MARCHF4: variants seen among roughly 807,000 people sequenced by gnomAD.
The protein encoded by MARCHF4 is E3 ubiquitin-protein ligase MARCHF4.
MARCHF4 carries 14 observed loss-of-function variants against 43.9 expected under a neutral mutation model. The ratio of observed to expected loss-of-function variants is 0.32; its 90% CI spans 0.21 to 0.50. The LOEUF (loss-of-function observed/expected upper bound fraction) is 0.50. Among genes scored for constraint, MARCHF4 ranks in the 20% least tolerant of loss-of-function variants. The pLI, the probability that MARCHF4 is intolerant of heterozygous loss-of-function variation, is 0.98. For synonymous variants in MARCHF4, 226 were observed against 213.3 expected (o/e 1.06, Z -0.52); for missense variants, 468 against 536.7 (o/e 0.87, Z 1.27).
intron 1 of MARCHF4, among the ~76,000 whole-genome samples, chr2:216,347,845 T>C (rs1216888075): frequency 2.6e-5 from 4 of 151,360 alleles, no homozygotes; most frequent in Non-Finnish European, 4.4e-5. Flanking sequence ...TTTTTTAACT[T>C]TTTATTTTGA....
chr2:216,363,971 T>G (rs1692627722), intron 1 of MARCHF4, among the ~76,000 whole-genome samples: 1 of 152,192 alleles, frequency 6.6e-6, no homozygotes, highest in Non-Finnish European at 1.5e-5. Flanking sequence ...CAAAGTGACC[T>G]TATTTATGAA....
chr2:216,316,371 T>C lies in MARCHF4; in HGVS notation c.517-32642A>G, dbSNP rs543778696. On this transcript the variant is annotated intron_variant, in intron 1 of 3. Transcript: ENST00000273067. ...CCCTTTCTAAAACGGAGGCCCTATC[T>C]TCCTCCTAGTCCCTCTTGAACATGT... 2.0e-5 allele frequency among the ~76,000 whole-genome samples: 3 copies of C among 152,246 alleles called. No homozygotes were observed. In the East Asian group the frequency reaches 5.8e-4, roughly 29 times the overall value.
intron 1 of MARCHF4, among the ~76,000 whole-genome samples, chr2:216,361,596 A>G (rs1386477058): frequency 6.6e-6 from 1 of 152,132 alleles, no homozygotes; most frequent in East Asian, 1.9e-4. Flanking sequence ...GATGATGGAG[A>G]TGGATAAAGA....
intron 1 of MARCHF4, among the ~76,000 whole-genome samples, chr2:216,341,237 C>T (rs1006577038): frequency 3.3e-5 from 5 of 152,184 alleles, no homozygotes; most frequent in Non-Finnish European, 5.9e-5. Flanking sequence ...TGTTTGTTTC[C>T]ATTGTCTGAG....
rs1185457753 is a variant in MARCHF4 at position 216,258,371 on chromosome 2, G to A, written c.*941C>T. 1.3e-5 allele frequency: 2 copies of A among 152,552 alleles called. No homozygotes were observed. Among genetic ancestry groups the A allele is most frequent in the Non-Finnish European group, 2.9e-5 (2 of 68,172 alleles). 9.4% of individuals were successfully genotyped at this position (152,552 alleles called of 1,614,324 possible). A position where few individuals can be genotyped will look rare whatever the true frequency, so the allele number is the denominator to read the frequency against. On this transcript the variant is annotated 3_prime_UTR_variant, in exon 4 of 4. Transcript: ENST00000273067. ...CATGTGCCAAGACAAGAAGGGGCTGGCATTGCACATGTCCTGGCCATGGTG... is the reference window on the plus strand; with the variant it reads ...CATGTGCCAAGACAAGAAGGGGCTGACATTGCACATGTCCTGGCCATGGTG...
Position 216,278,874 on chromosome 2 carries a change from A to T in MARCHF4, c.673-1010T>A, listed in dbSNP as rs111369026. ...CTATGATTCTATGGCTGATCCGGGCAGTACAGGTCTGAAGGAGCCAGGAGT... is the reference window on the plus strand; with the variant it reads ...CTATGATTCTATGGCTGATCCGGGCTGTACAGGTCTGAAGGAGCCAGGAGT... On this transcript the variant is annotated intron_variant, in intron 2 of 3. Transcript: ENST00000273067. Among the ~76,000 whole-genome samples, 1,041 of 152,332 alleles carry T rather than the reference A, an allele frequency of 6.8e-3. 9 individuals are homozygous for T. Among genetic ancestry groups the T allele is most frequent in the African/African-American group, 0.024 (982 of 41,572 alleles).
At chr2:216,271,319 C>T (rs1349564754) in intron 3 of MARCHF4, among the ~76,000 whole-genome samples, 4 of 152,214 alleles carry the variant, frequency 2.6e-5, no homozygotes, top group Admixed American at 6.5e-5. Flanking sequence ...GCCTGAAATA[C>T]TCTTTCCCCC....
intron 1 of MARCHF4, among the ~76,000 whole-genome samples, chr2:216,326,948 A>G (rs1388883132): frequency 6.6e-6 from 1 of 152,090 alleles, no homozygotes; most frequent in Non-Finnish European, 1.5e-5. Context: ...GCACCCTAAA[A>G]CTTAAAGTAT....
chr2:216,291,416 T>C (rs905415653), intron 1 of MARCHF4, among the ~76,000 whole-genome samples: 1 of 152,152 alleles, frequency 6.6e-6, no homozygotes, highest in Non-Finnish European at 1.5e-5. Context: ...GTCTGAGGAC[T>C]GGTATAAAAT....
At chr2:216,312,427 A>C (rs1201573027) in intron 1 of MARCHF4, among the ~76,000 whole-genome samples, 1 of 152,158 alleles carries the variant, frequency 6.6e-6, no homozygotes, top group Admixed American at 6.6e-5. Context: ...AAACAAGTAC[A>C]GGTGTCTTTT....
Position 216,259,427 on chromosome 2 carries a change from G to A in MARCHF4, c.1118C>T (p.Ser373Phe), listed in dbSNP as rs1690703373. ...GATGGTATAAGCACAGTGGTGATGG[G>A]ACAGAGGGCCTGAGGGGTGGCCGGC... is the stretch of plus-strand genomic sequence containing the variant. ...QAAGHPSGPL[S>F]HHHCAYTILH... Residue 373 changes from serine (S) to phenylalanine (F), a missense_variant, in exon 4 of 4, where the codon TCC (serine) becomes TTC (phenylalanine). Coordinates refer to ENST00000273067, the MANE Select transcript of MARCHF4 (RefSeq NM_020814.3). The A allele has an allele frequency of 6.2e-7, 1 of 1,614,078 alleles. No homozygotes were observed. The highest frequency in any genetic ancestry group is 1.3e-5 in the African/African-American group (1 of 75,066).
In MARCHF4 at chr2:216,370,172, T is replaced by TG. The variant is rs776404853; in HGVS notation, c.88dup (p.Gln30ProfsTer19). 40 of 1,611,632 alleles carry TG rather than the reference T, an allele frequency of 2.5e-5. 1 individual carries two copies. Among genetic ancestry groups the TG allele is most frequent in the Middle Eastern group, 3.3e-4 (2 of 6,056 alleles). On this transcript the variant is annotated frameshift_variant, in exon 1 of 4. Coordinates refer to ENST00000273067, the MANE Select transcript of MARCHF4 (RefSeq NM_020814.3). LOFTEE classifies it high-confidence loss of function. ...GAGGAGACCCTGGTGGCGCAACATC[T>TG]GGGGGGCTGGGGCACACAATCCATA...
intron 1 of MARCHF4, among the ~76,000 whole-genome samples, chr2:216,344,945 A>G (rs184779110): frequency 5.0e-4 from 76 of 151,968 alleles, no homozygotes; most frequent in African/African-American, 1.8e-3. Flanking sequence ...AGGTAAAAAT[A>G]GATATTTACA....
At chr2:216,364,261 A>T (rs114033854) in intron 1 of MARCHF4, among the ~76,000 whole-genome samples, 2,474 of 152,062 alleles carry the variant, frequency 0.016, 82 homozygotes, top group African/African-American at 0.055. Flanking sequence ...TGCCCACTAG[A>T]TGAGCTCCAG....
chr2:216,281,390 T>C (rs1017639531), intron 2 of MARCHF4, among the ~76,000 whole-genome samples: 1 of 152,182 alleles, frequency 6.6e-6, no homozygotes, highest in African/African-American at 2.4e-5. Flanking sequence ...GTCTGGGGCA[T>C]GAACCAGGAG....
chr2:216,335,485 T>C (rs1012401303), intron 1 of MARCHF4, among the ~76,000 whole-genome samples: 3 of 152,222 alleles, frequency 2.0e-5, no homozygotes, highest in Non-Finnish European at 4.4e-5. Context: ...TAAAAATGCA[T>C]GTAATTGAAT....
chr2:216,309,872 C>T (rs1025809344), intron 1 of MARCHF4, among the ~76,000 whole-genome samples: 2 of 56,414 alleles, frequency 3.5e-5, no homozygotes, highest in Non-Finnish European at 1.0e-4. Flanking sequence ...GGCTTTCTGC[C>T]CCCTTTCAAC....
Position 216,370,210 on chromosome 2 carries a change from G to A in MARCHF4, c.51C>T (p.Ser17=), listed in dbSNP as rs766560002. 27 of 1,610,938 alleles carry A rather than the reference G, an allele frequency of 1.7e-5. No homozygotes were observed. The African/African-American group carries it at 1.7e-4, about 10-fold the overall frequency. The change falls in exon 1 of 4, where the codon TCC becomes TCT. Residue 17 remains serine, a synonymous_variant. Coordinates refer to ENST00000273067, the MANE Select transcript of MARCHF4 (RefSeq NM_020814.3). Reference sequence around the variant, plus strand: ...CACACAATCCATAGCAGTACCAGCCGGAGCAGCAGCACCACCACCACCAGA... The same window carrying A: ...CACACAATCCATAGCAGTACCAGCCAGAGCAGCAGCACCACCACCACCAGA... ...GLLWWWWCCC[S]GWYCYGLCAP...
intron 3 of MARCHF4, among the ~76,000 whole-genome samples, chr2:216,274,867 G>A (rs116107902): frequency 0.014 from 2,053 of 149,516 alleles, 54 homozygotes; most frequent in African/African-American, 0.048. Flanking sequence ...AAATGGTATA[G>A]GTTCTTATTA....
Sources: allele counts gnomAD v4.1 joint callset (sites outside exome capture counted in the v4.1 genomes callset), GRCh38; gene constraint gnomAD v4.1.1; transcripts MANE v1.5; gene names NCBI Gene and HGNC (gene_info 2026-07-23, HGNC 2026-07-21).